ACSM3: variants seen among roughly 807,000 people sequenced by gnomAD.
The protein encoded by ACSM3 is acyl-CoA synthetase medium chain family member 3, also known as acyl-coenzyme A synthetase ACSM3, mitochondrial.
In ACSM3, 61 loss-of-function variants were observed where a neutral mutation model predicts 74.1. That is an observed-to-expected ratio of 0.82 (90% CI 0.67 to 1.02). The LOEUF is 1.02. Ranked by LOEUF, ACSM3 falls within the 50% of genes least tolerant of loss-of-function variation. The pLI is 0.00. For missense variants in ACSM3, 660 were observed against 697.0 expected (o/e 0.95, Z 0.60); for synonymous variants, 213 against 241.5 (o/e 0.88, Z 1.09).
rs1334391040 is a variant in ACSM3, at chr16:20,688,979, AAT to A, written c.-190+14160_-190+14161del. Among the ~76,000 whole-genome samples, 49 of 148,458 alleles carry A rather than the reference AAT, an allele frequency of 3.3e-4. No individual in the cohort carries two copies. In the South Asian group the frequency reaches 9.8e-3, roughly 30 times the overall value. ...TATGTTAACTTATTAACATATATTT[AAT>A]ATGTTAATATATTATATTATATATT... is the stretch of plus-strand genomic sequence containing the variant. On this transcript the variant is annotated intron_variant, in intron 1 of 3. Coordinates refer to the ACSM3 transcript ENST00000561584.
intron 1 of ACSM3, among the ~76,000 whole-genome samples, chr16:20,698,553 G>T (rs1298198522): frequency 6.6e-6 from 1 of 152,124 alleles, no homozygotes; most frequent in Non-Finnish European, 1.5e-5. Flanking sequence ...CTGTCACCCA[G>T]GCTGGAATGC....
chr16:20,739,190 T>TC, intron 1 of ACSM3: 1 of 860,378 alleles, frequency 1.2e-6, no homozygotes, highest in Non-Finnish European at 1.7e-6. Flanking sequence ...TTTTTTTTTT[T>TC]CTAAAGATGG....
At chr16:20,716,949 G>C (rs2152385524) in intron 1 of ACSM3, among the ~76,000 whole-genome samples, 1 of 152,280 alleles carries the variant, frequency 6.6e-6, no homozygotes, top group East Asian at 1.9e-4. Flanking sequence ...AATGTCTTTG[G>C]ATTTAGTAAC....
chr16:20,785,628 C>G (rs1222960987), intron 8 of ACSM3, among the ~76,000 whole-genome samples: 1 of 151,916 alleles, frequency 6.6e-6, no homozygotes, highest in Non-Finnish European at 1.5e-5. Context: ...AAAAGAACAA[C>G]AGTGGTTATT....
At chr16:20,741,481 G>GGGGGGGGGCGCC in intron 1 of ACSM3, 2 of 1,308,414 alleles carry the variant, frequency 1.5e-6, no homozygotes, top group Non-Finnish European at 9.9e-7. Flanking sequence ...CTGGCAGCCG[G>GGGGGGGGGCGCC]CCCGCCCGCC....
intron 1 of ACSM3, among the ~76,000 whole-genome samples, chr16:20,715,764 T>C (rs1206491675): frequency 6.6e-6 from 1 of 152,190 alleles, no homozygotes; most frequent in Non-Finnish European, 1.5e-5. Context: ...AATCCTTAGA[T>C]ATTGTATCAG....
rs1170401497 is a variant in ACSM3, at chr16:20,710,182, A to G, written c.-190+35360A>G. Among the ~76,000 whole-genome samples the G allele has an allele frequency of 2.0e-5, 3 of 152,292 alleles. No individual in the cohort carries two copies. The East Asian group carries it at 5.8e-4, about 29-fold the overall frequency. The stretch of plus-strand genomic sequence containing the variant: ...TAAGCATTGCCAAAGTAGTCTAGGC[A>G]AGGTTTGATGATGCTAGACCACTAG... On this transcript the variant is annotated intron_variant, in intron 1 of 3. Transcript: ENST00000561584.
chr16:20,709,294 T>C (rs1221292348), intron 1 of ACSM3, among the ~76,000 whole-genome samples: 1 of 152,174 alleles, frequency 6.6e-6, no homozygotes, highest in African/African-American at 2.4e-5. Context: ...ACATAAGTTA[T>C]GAAATTTATA....
chr16:20,714,966 T>C (rs973749981), intron 1 of ACSM3, among the ~76,000 whole-genome samples: 3 of 151,170 alleles, frequency 2.0e-5, no homozygotes, highest in Non-Finnish European at 3.0e-5. Context: ...GTCTTTTCTT[T>C]TAGATAGACA....
chr16:20,755,041 G>A (rs1015446498), intron 2 of ACSM3, among the ~76,000 whole-genome samples: 4 of 152,028 alleles, frequency 2.6e-5, no homozygotes, highest in Admixed American at 2.0e-4. Context: ...AGACCATGTC[G>A]GGAGCTGGAA....
At chr16:20,681,067 A>T (rs1277132910) in intron 1 of ACSM3, 1 of 152,228 alleles carries the variant, frequency 6.6e-6, no homozygotes, top group Non-Finnish European at 1.5e-5. Flanking sequence ...GGCCTCCTGA[A>T]AGAATAATTA....
At chr16:20,698,665 C>A (rs2079703362) in intron 1 of ACSM3, among the ~76,000 whole-genome samples, 1 of 152,080 alleles carries the variant, frequency 6.6e-6, no homozygotes, top group South Asian at 2.1e-4. Context: ...CCCGCCACCA[C>A]ACCCAGTTAA....
intron 2 of ACSM3, among the ~76,000 whole-genome samples, chr16:20,753,884 GAGAA>G (rs560843081): frequency 1.8e-3 from 258 of 142,184 alleles, no homozygotes; most frequent in South Asian, 6.0e-3. Context: ...AAGAGAGAGA[GAGAA>G]AGAAAGAAAG....
chr16:20,708,270 C>T (rs796349613), intron 1 of ACSM3, among the ~76,000 whole-genome samples: 8 of 152,272 alleles, frequency 5.3e-5, no homozygotes, highest in African/African-American at 1.9e-4. Context: ...CACTGCACTC[C>T]AGCCTGGGTG....
chr16:20,758,657 C>G (rs2080051284), intron 3 of ACSM3, among the ~76,000 whole-genome samples: 1 of 151,938 alleles, frequency 6.6e-6, no homozygotes, highest in Non-Finnish European at 1.5e-5. Flanking sequence ...TTAGTTATTT[C>G]TTGCCTTCTG....
At chr16:20,714,127 G>A (rs2079753025) in intron 1 of ACSM3, among the ~76,000 whole-genome samples, 2 of 151,882 alleles carry the variant, frequency 1.3e-5, no homozygotes, top group South Asian at 4.1e-4. Flanking sequence ...AGAAGACCCT[G>A]TCCGGGACTC....
Position 20,775,906 on chromosome 16 carries a change from G to T in ACSM3, c.287G>T (p.Ser96Ile). The T allele has an allele frequency of 6.2e-7, 1 of 1,614,198 alleles. No individual in the cohort carries two copies. Among genetic ancestry groups the T allele is most frequent in the Non-Finnish European group, 8.5e-7 (1 of 1,180,034 alleles). Residue 96 changes from serine to isoleucine, a missense_variant, in exon 3 of 14, where the codon AGT (serine) becomes ATT (isoleucine). Coordinates refer to ENST00000289416, the MANE Select transcript of ACSM3 (RefSeq NM_005622.4). ...AGAAATGGAGAAGAGATGCGATGGAGTTTTGAGGAACTGGGATCTCTGTCC... is the reference window on the plus strand; with the variant it reads ...AGAAATGGAGAAGAGATGCGATGGATTTTTGAGGAACTGGGATCTCTGTCC... ...INRNGEEMRW[S>I]FEELGSLSRK...
In ACSM3 at chr16:20,724,825, G is replaced by A. The variant is rs146615688; in HGVS notation, c.-189-25085G>A. On this transcript the variant is annotated intron_variant, in intron 1 of 3. Transcript: ENST00000561584. ...CTTACAAGGGAATCCAACTTACAAG[G>A]GATGTGAAGGACCTCTTCAAGGAGA... 7.2e-3 allele frequency among the ~76,000 whole-genome samples: 1,089 copies of A among 152,270 alleles called. 12 individuals are homozygous for A. The highest frequency in any genetic ancestry group is 0.025 in the African/African-American group (1,026 of 41,530).
chr16:20,726,026 G>T (rs968733170), intron 1 of ACSM3, among the ~76,000 whole-genome samples: 1 of 151,190 alleles, frequency 6.6e-6, no homozygotes, highest in Non-Finnish European at 1.5e-5. Context: ...GGGCAAAATT[G>T]TCCCCTAGTC....
Sources: allele counts gnomAD v4.1 joint callset (sites outside exome capture counted in the v4.1 genomes callset), GRCh38; gene constraint gnomAD v4.1.1; transcripts MANE v1.5; gene names NCBI Gene and HGNC (gene_info 2026-07-23, HGNC 2026-07-21).